The following SHANK2 variants were observed in gnomAD, a reference collection of about 807,000 sequenced individuals.
SHANK2 encodes SH3 and multiple ankyrin repeat domains 2, also known as SH3 and multiple ankyrin repeat domains protein 2.
SHANK2 carries 43 observed loss-of-function variants against 133.7 expected under a neutral mutation model. That is an observed-to-expected ratio of 0.32 (90% CI 0.25 to 0.41). The LOEUF is 0.41. Among genes scored for constraint, SHANK2 ranks in the 10% least tolerant of loss-of-function variants. The pLI is 1.00. For synonymous variants in SHANK2, 1,017 were observed against 952.8 expected, an observed-to-expected ratio of 1.07 and a Z score of -1.24; for missense variants, 1,994 against 2,235.8, an observed-to-expected ratio of 0.89 and a Z score of 2.18.
chr11:70,818,497 T>C (rs1948450072), intron 12 of SHANK2, among the ~76,000 whole-genome samples: 2 of 152,100 alleles, frequency 1.3e-5, no homozygotes, highest in South Asian at 4.2e-4. Context: ...TTTGCTGTCT[T>C]ATTAGATTTT....
intron 14 of SHANK2, among the ~76,000 whole-genome samples, chr11:70,731,886 C>A (rs1441057152): frequency 6.6e-6 from 1 of 152,214 alleles, no homozygotes; most frequent in Non-Finnish European, 1.5e-5. Context: ...CAGCCGCCTC[C>A]TCCTCCTGCA....
Position 71,124,162 on chromosome 11 carries a change from T to G in SHANK2, c.208-5130A>C, listed in dbSNP as rs1182097587. Among the ~76,000 whole-genome samples the G allele has an allele frequency of 6.1e-3, 900 of 148,716 alleles. 13 individuals carry two copies. Among genetic ancestry groups the G allele is most frequent in the African/African-American group, 0.022 (860 of 39,894 alleles). On this transcript the variant is annotated intron_variant, in intron 3 of 25. Coordinates refer to ENST00000601538, the MANE Select transcript of SHANK2 (RefSeq NM_012309.5). Reference sequence around the variant, plus strand: ...GATAATGGTGATGATGGTATTATGATAGCGATGATGGTGATGGTGATGATG... The same window carrying G: ...GATAATGGTGATGATGGTATTATGAGAGCGATGATGGTGATGGTGATGATG...
At chr11:70,910,165 C>T (rs1361025559) in intron 10 of SHANK2, among the ~76,000 whole-genome samples, 1 of 152,208 alleles carries the variant, frequency 6.6e-6, no homozygotes, top group South Asian at 2.1e-4. Flanking sequence ...AAGGTCCCAT[C>T]TCCAACTACA....
intron 17 of SHANK2, among the ~76,000 whole-genome samples, chr11:70,511,853 T>C (rs1404389328): frequency 6.6e-6 from 1 of 152,240 alleles, no homozygotes; most frequent in Non-Finnish European, 1.5e-5. Flanking sequence ...AATAATTCTC[T>C]TCTTCCACTT....
intron 11 of SHANK2, among the ~76,000 whole-genome samples, chr11:70,852,585 CTG>C (rs1189567812): frequency 6.6e-6 from 1 of 152,256 alleles, no homozygotes; most frequent in Non-Finnish European, 1.5e-5. Flanking sequence ...TGGCTCATGC[CTG>C]TAATCCCAGC....
At chr11:70,930,856 G>A (rs1327550490) in intron 10 of SHANK2, among the ~76,000 whole-genome samples, 3 of 147,564 alleles carry the variant, frequency 2.0e-5, no homozygotes, top group Non-Finnish European at 4.5e-5. Context: ...TTTTAGAGAT[G>A]GGGTCTCACT....
chr11:71,215,654 C>A (rs1003837655), intron 2 of SHANK2, among the ~76,000 whole-genome samples: 55 of 152,350 alleles, frequency 3.6e-4, no homozygotes, highest in African/African-American at 1.3e-3. Context: ...CAGTGGCTCC[C>A]ACTCAGGGCC....
At chr11:71,079,673 T>G (rs1046522839) in intron 8 of SHANK2, among the ~76,000 whole-genome samples, 1,931 of 149,610 alleles carry the variant, frequency 0.013, 12 homozygotes, top group Non-Finnish European at 0.021. Flanking sequence ...GGCGGGAGAA[T>G]GGCGTGAACC....
intron 9 of SHANK2, among the ~76,000 whole-genome samples, chr11:71,073,406 C>T (rs1013833897): frequency 4.0e-5 from 6 of 151,874 alleles, no homozygotes; most frequent in Non-Finnish European, 7.4e-5. Flanking sequence ...AATCCGCCTG[C>T]CTTGGCCTCC....
rs1381057002 is a variant in SHANK2 at position 71,154,721 on chromosome 11, C to A, written c.-12-7383G>T. Among the ~76,000 whole-genome samples the A allele has an allele frequency of 4.2e-5, 6 of 142,402 alleles. No individual in the cohort carries two copies. In the East Asian group the frequency reaches 1.3e-3, roughly 30 times the overall value. 93.4% of individuals were successfully genotyped at this position (142,402 alleles called of 152,430 possible). A position where few individuals can be genotyped will look rare whatever the true frequency, so the allele number is the denominator to read the frequency against. ...CTCCCAGAGGAGGGATGGACCTACC[C>A]CCACCCACGCTCCCAGAGGAGGGAT... On this transcript the variant is annotated intron_variant, in intron 2 of 25. Transcript: ENST00000601538.
chr11:70,575,250 G>T (rs1382968850), intron 17 of SHANK2, among the ~76,000 whole-genome samples: 3 of 152,142 alleles, frequency 2.0e-5, no homozygotes, highest in African/African-American at 7.2e-5. Flanking sequence ...GGTAGTTCAC[G>T]CCTGTAATCC....
intron 21 of SHANK2, among the ~76,000 whole-genome samples, chr11:70,499,057 C>T (rs570653214): frequency 6.6e-5 from 10 of 152,352 alleles, no homozygotes; most frequent in South Asian, 2.1e-4. Flanking sequence ...GTGCTTTTTC[C>T]GAGGCGAGGC....
intron 3 of SHANK2, among the ~76,000 whole-genome samples, chr11:71,124,185 ATGGTGATGGTGATGATGG>A (rs1952133597): frequency 1.8e-3 from 9 of 5,102 alleles, no homozygotes; most frequent in Non-Finnish European, 2.5e-3. Context: ...GATGGTGATG[ATGGTGATGGTGATGATGG>A]TGGTGATGAT....
At chr11:70,708,461 C>T (rs1420271561) in intron 14 of SHANK2, among the ~76,000 whole-genome samples, 2 of 152,128 alleles carry the variant, frequency 1.3e-5, no homozygotes, top group East Asian at 3.9e-4. Flanking sequence ...CCAATCAGTC[C>T]CCGCACTCCC....
chr11:70,528,259 C>T (rs142467510), intron 17 of SHANK2, among the ~76,000 whole-genome samples: 1 of 152,344 alleles, frequency 6.6e-6, no homozygotes, highest in South Asian at 2.1e-4. Flanking sequence ...ACGAACGTGG[C>T]TCTCGGGCTG....
chr11:70,790,128 A>G (rs1947756842), intron 14 of SHANK2, among the ~76,000 whole-genome samples: 1 of 152,258 alleles, frequency 6.6e-6, no homozygotes, highest in African/African-American at 2.4e-5. Context: ...AGATACATCA[A>G]CAGGGGCACC....
At chr11:71,093,059 G>GC (rs1233458494) in intron 7 of SHANK2, among the ~76,000 whole-genome samples, 4 of 143,078 alleles carry the variant, frequency 2.8e-5, no homozygotes, top group Non-Finnish European at 6.2e-5. Context: ...AAAGGGGGGG[G>GC]GGGGCAGGTA....
intron 17 of SHANK2, among the ~76,000 whole-genome samples, chr11:70,613,842 G>A (rs1442308557): frequency 7.0e-6 from 1 of 142,932 alleles, no homozygotes; most frequent in Non-Finnish European, 1.5e-5. Context: ...TCAGCTCACT[G>A]CAACCTCGGC....
At chr11:71,195,117 G>A (rs1953874368) in intron 2 of SHANK2, among the ~76,000 whole-genome samples, 2 of 152,218 alleles carry the variant, frequency 1.3e-5, no homozygotes, top group Admixed American at 1.3e-4. Context: ...AACTGGCCAG[G>A]TGTGGTGGCT....
Sources: allele counts gnomAD v4.1 joint callset (sites outside exome capture counted in the v4.1 genomes callset), GRCh38; gene constraint gnomAD v4.1.1; transcripts MANE v1.5; gene names NCBI Gene and HGNC (gene_info 2026-07-23, HGNC 2026-07-21).